The following ITGA2 variants were observed in gnomAD, a reference collection of about 807,000 sequenced individuals.
ITGA2 encodes integrin alpha-2.
Under a neutral mutation model 146.3 loss-of-function variants are expected in ITGA2, and 101 were observed. The observed-to-expected ratio is 0.69, with a 90% CI of 0.59 to 0.81. ITGA2 has a LOEUF of 0.81. ITGA2 is among the 40% of genes least tolerant of loss of function. The pLI, the probability that ITGA2 is intolerant of heterozygous loss-of-function variation, is 0.00. For missense variants in ITGA2, 1,281 were observed against 1,402.7 expected (o/e 0.91, Z 1.39); for synonymous variants, 477 against 487.1 (o/e 0.98, Z 0.27).
intron 16 of ITGA2, among the ~76,000 whole-genome samples, chr5:53,067,859 T>C (rs1200360186): frequency 6.6e-6 from 1 of 151,914 alleles, no homozygotes; most frequent in Non-Finnish European, 1.5e-5. Flanking sequence ...TCTTTTCTCT[T>C]GGGCTGGCCA....
At chr5:53,076,472 G>A (rs767554231) in intron 23 of ITGA2, among the ~76,000 whole-genome samples, 32 of 151,984 alleles carry the variant, frequency 2.1e-4, no homozygotes, top group Middle Eastern at 6.3e-3. Context: ...ACAAAATTCC[G>A]TCCAAATAAT....
rs1744952743 is a variant in ITGA2, at chr5:53,062,681, A to G, written c.1459-105A>G. On this transcript the variant is annotated intron_variant, in intron 12 of 29. Coordinates refer to ENST00000296585, the MANE Select transcript of ITGA2 (RefSeq NM_002203.4). Reference sequence around the variant, plus strand: ...ATGTTCCAAGCACTTTGCAAATAGTAAACACTCAATTTTTGTGTATTGAAT... The same window carrying G: ...ATGTTCCAAGCACTTTGCAAATAGTGAACACTCAATTTTTGTGTATTGAAT... 7 of 1,265,408 alleles carry G rather than the reference A, an allele frequency of 5.5e-6. No homozygotes were observed. In the Admixed American group the frequency reaches 1.2e-4, roughly 21 times the overall value. 78.4% of individuals were successfully genotyped at this position (1,265,408 alleles called of 1,614,324 possible). A position where few individuals can be genotyped will look rare whatever the true frequency, so the allele number is the denominator to read the frequency against.
intron 23 of ITGA2, among the ~76,000 whole-genome samples, chr5:53,077,882 TAA>T (rs1172953185): frequency 3.3e-5 from 5 of 152,060 alleles, no homozygotes; most frequent in Admixed American, 6.6e-5. Flanking sequence ...ATAATTAACG[TAA>T]ATTGTCCAGT....
chr5:53,014,329 A>G (rs1742298484), intron 1 of ITGA2, among the ~76,000 whole-genome samples: 1 of 152,258 alleles, frequency 6.6e-6, no homozygotes, highest in Middle Eastern at 3.4e-3. Context: ...AATTTTATCG[A>G]AAGGTTTTTC....
intron 15 of ITGA2, among the ~76,000 whole-genome samples, chr5:53,066,269 A>G (rs1204335390): frequency 2.0e-5 from 3 of 151,958 alleles, no homozygotes; most frequent in Middle Eastern, 3.2e-3. Context: ...TTATCTTCCT[A>G]TAAATAGCCT....
intron 1 of ITGA2, 56 bp from the exon 2 acceptor site, chr5:53,026,692 G>A (rs907352957): frequency 1.1e-4 from 170 of 1,491,636 alleles, no homozygotes; most frequent in Admixed American, 1.9e-4. Flanking sequence ...AGAATTATAC[G>A]ACACACTTAT....
intron 28 of ITGA2, among the ~76,000 whole-genome samples, chr5:53,087,258 T>C (rs1232433844): frequency 6.6e-6 from 1 of 152,196 alleles, no homozygotes; most frequent in Non-Finnish European, 1.5e-5. Context: ...CCCCCACTCA[T>C]GTCAGCAAAG....
At chr5:53,053,089 C>T (rs918495608) in intron 7 of ITGA2, among the ~76,000 whole-genome samples, 3 of 152,128 alleles carry the variant, frequency 2.0e-5, no homozygotes, top group Non-Finnish European at 2.9e-5. Flanking sequence ...CCTAGTCAGT[C>T]GAACTAAAAA....
intron 23 of ITGA2, among the ~76,000 whole-genome samples, chr5:53,076,025 A>C (rs1745647809): frequency 6.6e-6 from 1 of 152,046 alleles, no homozygotes; most frequent in Non-Finnish European, 1.5e-5. Context: ...TGTCTTGGTA[A>C]GTGGGTAACA....
At position 53,089,949 on chromosome 5, in the gene ITGA2, C is replaced by A. The variant is rs1740332659; in HGVS notation, c.3352C>A (p.Pro1118Thr). ...YVIEDNTVTIPLMIMKPDEKA... is the reference protein window; with the variant it reads ...YVIEDNTVTITLMIMKPDEKA... ...AACTGTGAACTGACATTTCCAGATT[C>A]CCCTGATGATAATGAAACCTGATGA... is the stretch of plus-strand genomic sequence containing the variant. The change falls in exon 29 of 30, where the codon CCC becomes ACC. Residue 1118 changes from proline (P) to threonine (T), a missense_variant. Pro to Thr is a conservative substitution (Grantham distance 38, BLOSUM62 -1). Around this residue, in one of 3 missense-constraint regions of ITGA2, gnomAD observed 475 missense variants for 530.5 expected, o/e 0.90. Transcript: ENST00000296585. 6.3e-7 allele frequency: 1 copy of A among 1,580,146 alleles called. No individual in the cohort carries two copies. Among genetic ancestry groups the A allele is most frequent in the Admixed American group, 1.7e-5 (1 of 59,956 alleles).
chr5:52,999,328 T>C (rs1389226133), intron 1 of ITGA2, among the ~76,000 whole-genome samples: 1 of 152,016 alleles, frequency 6.6e-6, no homozygotes, highest in Non-Finnish European at 1.5e-5. Flanking sequence ...TTTAAAACTT[T>C]TATTTATTGT....
At chr5:53,080,785 T>C (rs1745884613) in intron 25 of ITGA2, among the ~76,000 whole-genome samples, 164 bp downstream of exon 25, 1 of 152,130 alleles carries the variant, frequency 6.6e-6, no homozygotes, top group Admixed American at 6.6e-5. Flanking sequence ...AGAAAAAATA[T>C]TGTTACAAGA....
At chr5:53,081,543 C>T (rs777909633) in intron 25 of ITGA2, 49 bp from the exon 26 acceptor site, 11 of 1,380,202 alleles carry the variant, frequency 8.0e-6, no homozygotes, top group South Asian at 1.2e-5. Context: ...AAAGGAACAT[C>T]ATAAACTGTT....
rs1317170503 is a variant in ITGA2, at chr5:53,080,556, C to T, written c.2974C>T (p.His992Tyr). The change falls in exon 25 of 30, where the codon CAC becomes TAC. Residue 992 changes from histidine (H) to tyrosine (Y), a missense_variant. Coordinates refer to ENST00000296585, the MANE Select transcript of ITGA2 (RefSeq NM_002203.4). ...VPVSMATVII[H>Y]IPQYTKEKNP... ...AGTAAGCATGGCAACTGTAATCATCCACATCCCTCAGTATACCAAAGAAAA... is the reference window on the plus strand; with the variant it reads ...AGTAAGCATGGCAACTGTAATCATCTACATCCCTCAGTATACCAAAGAAAA... 2 of 1,613,554 alleles carry T rather than the reference C, an allele frequency of 1.2e-6. No individual in the cohort carries two copies. Among genetic ancestry groups the T allele is most frequent in the African/African-American group, 2.7e-5 (2 of 74,870 alleles).
intron 25 of ITGA2, 69 bp from the exon 26 acceptor site, chr5:53,081,523 T>G (rs983957571): frequency 8.1e-6 from 10 of 1,230,688 alleles, no homozygotes; most frequent in African/African-American, 3.0e-5. Context: ...TAGGATTTCC[T>G]AACATGTTGA....
chr5:53,043,084 T>A (rs2111888870), intron 3 of ITGA2, among the ~76,000 whole-genome samples: 1 of 152,232 alleles, frequency 6.6e-6, no homozygotes, highest in Non-Finnish European at 1.5e-5. Context: ...ATATCAGTAG[T>A]GTCAAATGCT....
intron 1 of ITGA2, among the ~76,000 whole-genome samples, chr5:53,014,782 T>C (rs1742319842): frequency 6.6e-6 from 1 of 152,166 alleles, no homozygotes; most frequent in African/African-American, 2.4e-5. Flanking sequence ...CAAAATGCAT[T>C]ATTGGTTTAT....
intron 9 of ITGA2, 73 bp from the exon 10 acceptor site, chr5:53,057,952 G>T: frequency 9.6e-7 from 1 of 1,043,858 alleles, no homozygotes; most frequent in Non-Finnish European, 1.5e-6. Flanking sequence ...GTGTACATAC[G>T]TGCCTGCTTG....
intron 1 of ITGA2, among the ~76,000 whole-genome samples, chr5:53,000,903 T>G (rs1221010414): frequency 1.4e-4 from 20 of 144,564 alleles, no homozygotes; most frequent in South Asian, 4.5e-4. Context: ...TTTTGTTTTT[T>G]TTTTTTTTTT....
Sources: gnomAD v4.1 joint callset for allele counts (sites outside exome capture counted in the v4.1 genomes callset) on GRCh38, gnomAD v4.1.1 for gene constraint, gnomAD v4.1.1 regional missense constraint, MANE v1.5 for transcripts, NCBI Gene and HGNC (gene_info 2026-07-23, HGNC 2026-07-21) for gene names.